Variants in GXYLT1 observed in about 807,000 individuals in gnomAD.
GXYLT1 encodes glycosyltransferase 8 domain containing 3.
A neutral mutation model predicts 54.0 loss-of-function variants in GXYLT1; 29 were observed. That is an observed-to-expected ratio of 0.54 (90% confidence interval 0.40 to 0.73). The LOEUF (loss-of-function observed/expected upper bound fraction) is 0.73, where lower values mean the gene tolerates loss of function less well. Among genes scored for constraint, GXYLT1 ranks in the 30% least tolerant of loss-of-function variants. The pLI, the probability that GXYLT1 is intolerant of heterozygous loss-of-function variation, is 0.00. For missense variants in GXYLT1, 490 were observed against 553.4 expected (o/e 0.89, Z 1.15); for synonymous variants, 176 against 204.1 (o/e 0.86, Z 1.17).
chr12:42,142,722 G>C (rs1479708735), intron 1 of GXYLT1, among the ~76,000 whole-genome samples: 1 of 152,090 alleles, frequency 6.6e-6, no homozygotes, highest in African/African-American at 2.4e-5. Flanking sequence ...TGAGGTCTTA[G>C]TAATTTGCGT....
chr12:42,103,864 C>A (rs2065403939), intron 5 of GXYLT1, among the ~76,000 whole-genome samples: 1 of 151,096 alleles, frequency 6.6e-6, no homozygotes. Context: ...CTCTAGGTAG[C>A]TTAGAACATG....
intron 7 of GXYLT1, among the ~76,000 whole-genome samples, chr12:42,091,397 T>C (rs1372567892): frequency 1.3e-5 from 2 of 151,988 alleles, no homozygotes; most frequent in Non-Finnish European, 2.9e-5. Context: ...CCAGGGAAAC[T>C]TAATTCTCTA....
rs1268829841 is a variant in GXYLT1 at position 42,082,010 on chromosome 12, C to T, written c.*5776G>A. 1 of 152,158 alleles carries T rather than the reference C, an allele frequency of 6.6e-6. No homozygotes were observed. The highest frequency in any genetic ancestry group is 2.4e-5 in the African/African-American group (1 of 41,436). 9.4% of individuals were successfully genotyped at this position (152,158 alleles called of 1,614,324 possible). ...TTAATTTTATATTCTCCTTTAATAA[C>T]TGTCAAAATACACCAAATACTTAGA... On this transcript the variant is annotated 3_prime_UTR_variant, in exon 8 of 8. Transcript: ENST00000398675.
chr12:42,101,582 T>A (rs140202868), intron 5 of GXYLT1, among the ~76,000 whole-genome samples: 1 of 152,192 alleles, frequency 6.6e-6, no homozygotes, highest in East Asian at 1.9e-4. Flanking sequence ...ATACTTTTTT[T>A]TTTTTTTGAG....
chr12:42,084,604 G>C lies in GXYLT1; in HGVS notation c.*3182C>G, dbSNP rs928278081. 6.6e-6 allele frequency: 1 copy of C among 152,284 alleles called. No individual in the cohort carries two copies. The highest frequency in any genetic ancestry group is 6.5e-5 in the Admixed American group (1 of 15,282). 9.4% of individuals were successfully genotyped at this position (152,284 alleles called of 1,614,324 possible). A position where few individuals can be genotyped will look rare whatever the true frequency, so the allele number is the denominator to read the frequency against. On this transcript the variant is annotated 3_prime_UTR_variant, in exon 8 of 8. Coordinates refer to ENST00000398675, the MANE Select transcript of GXYLT1 (RefSeq NM_173601.2). ...ATTGTACTTAAAAACCTAAGGCACA[G>C]AGAAGGGTAAATAACATGCCTGAGT...
chr12:42,110,958 G>A (rs1051611755), intron 3 of GXYLT1, among the ~76,000 whole-genome samples: 1 of 152,102 alleles, frequency 6.6e-6, no homozygotes, highest in African/African-American at 2.4e-5. Context: ...CAAAAATATA[G>A]TATATGTTAC....
chr12:42,142,747 CAT>C (rs1248655083), intron 1 of GXYLT1, among the ~76,000 whole-genome samples: 2 of 152,080 alleles, frequency 1.3e-5, no homozygotes, highest in Admixed American at 1.3e-4. Context: ...TTAATCTAAC[CAT>C]AGAGTAAAAC....
At chr12:42,136,751 T>TATAC (rs58827513) in intron 1 of GXYLT1, among the ~76,000 whole-genome samples, 2,611 of 147,458 alleles carry the variant, frequency 0.018, 77 homozygotes, top group African/African-American at 0.053. Context: ...GGAGGTTTTT[T>TATAC]ATACATACAT....
rs1156818114 is a variant in GXYLT1, at chr12:42,086,201, T to C, written c.*1585A>G. On this transcript the variant is annotated 3_prime_UTR_variant, in exon 8 of 8. Transcript: ENST00000398675. ...ATTTCACAGTTTCTTATATTCACCA[T>C]GGCATTCTGCCAAGGAACTACAACT... 6.6e-6 allele frequency: 1 copy of C among 152,270 alleles called. No individual in the cohort carries two copies. The highest frequency in any genetic ancestry group is 2.1e-4 in the South Asian group (1 of 4,828). 9.4% of individuals were successfully genotyped at this position (152,270 alleles called of 1,614,324 possible).
chr12:42,113,887 T>C (rs1400558678), intron 3 of GXYLT1, among the ~76,000 whole-genome samples: 11 of 150,322 alleles, frequency 7.3e-5, no homozygotes, highest in African/African-American at 2.0e-4. Context: ...AAGTAAAGCA[T>C]TCCTCAGCAA....
chr12:42,132,253 G>A (rs1278205955), intron 1 of GXYLT1, among the ~76,000 whole-genome samples: 1 of 152,072 alleles, frequency 6.6e-6, no homozygotes, highest in Non-Finnish European at 1.5e-5. Flanking sequence ...GGCCTAAAAA[G>A]CTGAATTTTT....
At chr12:42,127,544 C>G (rs1035349468) in intron 2 of GXYLT1, among the ~76,000 whole-genome samples, 8 of 152,134 alleles carry the variant, frequency 5.3e-5, no homozygotes, top group Non-Finnish European at 8.8e-5. Context: ...GTTAGAGGAG[C>G]CAAAACAAAA....
At chr12:42,141,212 T>C (rs1317070311) in intron 1 of GXYLT1, among the ~76,000 whole-genome samples, 2 of 152,200 alleles carry the variant, frequency 1.3e-5, no homozygotes, top group Non-Finnish European at 2.9e-5. Flanking sequence ...TGACAGCCTT[T>C]TCCTAGGATT....
rs2065293561 is a variant in GXYLT1, at chr12:42,086,408, G to A, written c.*1378C>T. 2 of 152,200 alleles carry A rather than the reference G, an allele frequency of 1.3e-5. No homozygotes were observed. Among genetic ancestry groups the A allele is most frequent in the East Asian group, 3.8e-4 (2 of 5,198 alleles). The allele number at this position is 152,200 out of a possible 1,614,324, so 9.4% of individuals were successfully genotyped here. On this transcript the variant is annotated 3_prime_UTR_variant, in exon 8 of 8. Transcript: ENST00000398675. The stretch of plus-strand genomic sequence containing the variant: ...ACAGAGGTCACTGTGTCTTCACAAA[G>A]CTAACTGCCACAATTTTCACAGGTT...
At chr12:42,108,324 A>G (rs2065432508) in intron 4 of GXYLT1, among the ~76,000 whole-genome samples, 1 of 152,096 alleles carries the variant, frequency 6.6e-6, no homozygotes, top group South Asian at 2.1e-4. Context: ...TTCATCTCTT[A>G]TTGTTTTTTC....
At chr12:42,112,925 CG>C (rs1277515785) in intron 3 of GXYLT1, among the ~76,000 whole-genome samples, 1 of 151,162 alleles carries the variant, frequency 6.6e-6, no homozygotes, top group Non-Finnish European at 1.5e-5. Flanking sequence ...AGACTAAGGG[CG>C]GATCTCTCGG....
intron 5 of GXYLT1, 100 bp downstream of exon 5, chr12:42,105,718 T>C: frequency 1.3e-6 from 1 of 769,030 alleles, no homozygotes; most frequent in Non-Finnish European, 2.0e-6. Flanking sequence ...AGAAAAATTA[T>C]TTATAGTTCA....
chr12:42,119,021 T>C lies in GXYLT1; in HGVS notation c.465A>G (p.Leu155=), dbSNP rs768174998. 1.9e-6 allele frequency: 3 copies of C among 1,613,910 alleles called. No homozygotes were observed. Among genetic ancestry groups the C allele is most frequent in the South Asian group, 1.1e-5 (1 of 91,076 alleles). Residue 155 remains leucine (L), a synonymous_variant, in exon 3 of 8, where the codon CTA becomes CTG. Coordinates refer to ENST00000398675, the MANE Select transcript of GXYLT1 (RefSeq NM_173601.2). The part of the protein sequence containing the change: ...LQFHIFAEDQ[L]HHSFKGRLDN... ...TTACTCTGCCTTTAAAGCTATGATGTAGCTGATCTTCAGCAAAAATATGGA... is the reference window on the plus strand; with the variant it reads ...TTACTCTGCCTTTAAAGCTATGATGCAGCTGATCTTCAGCAAAAATATGGA...
intron 5 of GXYLT1, among the ~76,000 whole-genome samples, chr12:42,099,781 T>C (rs556623717): frequency 6.6e-6 from 1 of 152,234 alleles, no homozygotes; most frequent in Admixed American, 6.5e-5. Flanking sequence ...GCCTGGGAGG[T>C]GGAGGTTTGC....
Sources: gnomAD v4.1 joint callset for allele counts (sites outside exome capture counted in the v4.1 genomes callset) on GRCh38, gnomAD v4.1.1 for gene constraint, MANE v1.5 for transcripts, NCBI Gene and HGNC (gene_info 2026-07-23, HGNC 2026-07-21) for gene names.